Variants in DDX4 observed in about 807,000 individuals in gnomAD.
DDX4 encodes probable ATP-dependent RNA helicase DDX4.
DDX4 carries 25 observed loss-of-function variants against 100.0 expected under a neutral mutation model. The ratio of observed to expected loss-of-function variants is 0.25; its 90% confidence interval spans 0.18 to 0.35. The LOEUF (loss-of-function observed/expected upper bound fraction) is 0.35, where lower values mean the gene tolerates loss of function less well. DDX4 is among the 10% of genes least tolerant of loss of function. The pLI is 1.00. For missense variants in DDX4, 635 were observed against 882.4 expected (o/e 0.72, Z 3.55); for synonymous variants, 259 against 275.7 (o/e 0.94, Z 0.60).
intron 13 of DDX4, 52 bp downstream of exon 13, chr5:55,785,923 A>C (rs1742218712): frequency 7.7e-7 from 1 of 1,306,142 alleles, no homozygotes; most frequent in African/African-American, 1.5e-5. Flanking sequence ...TTTGCCTTTA[A>C]AATACATTAT....
At chr5:55,756,455 T>C (rs988682147) in intron 3 of DDX4, among the ~76,000 whole-genome samples, 11 of 152,166 alleles carry the variant, frequency 7.2e-5, no homozygotes, top group African/African-American at 2.4e-4. Flanking sequence ...CTGGCAGCCC[T>C]AAGCACCACT....
chr5:55,810,639 T>C (rs1244477972), intron 18 of DDX4, among the ~76,000 whole-genome samples: 1 of 151,976 alleles, frequency 6.6e-6, no homozygotes, highest in African/African-American at 2.4e-5. Context: ...TTGACAACTC[T>C]TACCATACAA....
intron 18 of DDX4, among the ~76,000 whole-genome samples, chr5:55,809,752 C>T (rs1743997971): frequency 6.6e-6 from 1 of 152,114 alleles, no homozygotes; most frequent in African/African-American, 2.4e-5. Flanking sequence ...TACAGAATGC[C>T]ATGTGTAAGT....
chr5:55,786,758 G>A, intron 14 of DDX4, 88 bp downstream of exon 14: 1 of 1,005,062 alleles, frequency 9.9e-7, no homozygotes, highest in Non-Finnish European at 1.5e-6. Context: ...TGAGTAGAAG[G>A]TTTGTAGATG....
intron 3 of DDX4, among the ~76,000 whole-genome samples, chr5:55,754,867 T>C (rs1326776466): frequency 6.6e-6 from 1 of 152,208 alleles, no homozygotes; most frequent in African/African-American, 2.4e-5. Context: ...TATTGGTCTA[T>C]TCAGAGATTC....
intron 7 of DDX4, among the ~76,000 whole-genome samples, chr5:55,776,732 T>C (rs1259281934): frequency 6.6e-6 from 1 of 152,154 alleles, no homozygotes; most frequent in Non-Finnish European, 1.5e-5. Flanking sequence ...AATACTCTCA[T>C]ATTGTTGAGT....
At chr5:55,782,678 GATATA>G (rs374530755) in intron 10 of DDX4, among the ~76,000 whole-genome samples, 232 of 152,166 alleles carry the variant, frequency 1.5e-3, no homozygotes, top group African/African-American at 5.4e-3. Context: ...GTTAAAGACA[GATATA>G]ATATGTACAA....
In DDX4 at chr5:55,738,091, G is replaced by A. The variant is rs1311250416; in HGVS notation, c.-25G>A. The A allele has an allele frequency of 6.6e-6, 1 of 152,324 alleles. No individual in the cohort carries two copies. Among genetic ancestry groups the A allele is most frequent in the Non-Finnish European group, 1.5e-5 (1 of 68,088 alleles). 9.4% of individuals were successfully genotyped at this position (152,324 alleles called of 1,614,324 possible). A position where few individuals can be genotyped will look rare whatever the true frequency, so the allele number is the denominator to read the frequency against. ...CGCCTGCGAGGGCTTGGGAGAGCAA[G>A]CCGCGGAGAGGTGAGTGGGCCGCTT... is the stretch of plus-strand genomic sequence containing the variant. On this transcript the variant is annotated 5_prime_UTR_variant, in exon 1 of 22. Transcript: ENST00000505374.
chr5:55,751,305 C>G (rs1759536350), intron 3 of DDX4, among the ~76,000 whole-genome samples: 1 of 152,168 alleles, frequency 6.6e-6, no homozygotes, highest in Non-Finnish European at 1.5e-5. Flanking sequence ...GCAGTCATAG[C>G]TCACTGCAGC....
intron 2 of DDX4, among the ~76,000 whole-genome samples, chr5:55,742,545 GA>G (rs1307065443): frequency 2.6e-5 from 4 of 152,192 alleles, no homozygotes; most frequent in Admixed American, 6.5e-5. Flanking sequence ...GAATACAGGT[GA>G]AAAAAATGTG....
Position 55,786,510 on chromosome 5 carries a change from A to AT in DDX4, c.865-4dup. ...GAATGTAATCACTGCTTTTTTTTAAATTTTCAGACTTTTGAAGAAGCTAAT... is the reference window on the plus strand; with the variant it reads ...GAATGTAATCACTGCTTTTTTTTAAATTTTTCAGACTTTTGAAGAAGCTAAT... On this transcript the variant is annotated splice_region_variant and splice_polypyrimidine_tract_variant and intron_variant, in intron 13 of 21. Transcript: ENST00000505374. 1 of 1,603,750 alleles carries AT rather than the reference A, an allele frequency of 6.2e-7. No individual in the cohort carries two copies. Among genetic ancestry groups the AT allele is most frequent in the Non-Finnish European group, 8.5e-7 (1 of 1,173,948 alleles).
At chr5:55,788,290 C>T (rs1409932781) in intron 15 of DDX4, among the ~76,000 whole-genome samples, 2 of 152,040 alleles carry the variant, frequency 1.3e-5, no homozygotes, top group African/African-American at 4.8e-5. Flanking sequence ...GCCAGGGTAA[C>T]ATGGCAAGAC....
chr5:55,770,318 T>TA (rs1309704879), intron 7 of DDX4, among the ~76,000 whole-genome samples: 2 of 152,192 alleles, frequency 1.3e-5, no homozygotes, highest in African/African-American at 4.8e-5. Flanking sequence ...TGTCTCTGAA[T>TA]AGAGTCATTG....
intron 13 of DDX4, among the ~76,000 whole-genome samples, 159 bp from the exon 14 acceptor site, chr5:55,786,359 T>C (rs561400742): frequency 6.6e-6 from 1 of 152,320 alleles, no homozygotes; most frequent in East Asian, 1.9e-4. Flanking sequence ...ATATACAGGC[T>C]TTGAATATTT....
chr5:55,776,616 T>C (rs1241909774), intron 7 of DDX4, among the ~76,000 whole-genome samples: 1 of 152,166 alleles, frequency 6.6e-6, no homozygotes, highest in East Asian at 1.9e-4. Flanking sequence ...TGTAATAGCA[T>C]AGTATATTCA....
intron 3 of DDX4, among the ~76,000 whole-genome samples, chr5:55,759,627 A>G (rs1211563716): frequency 6.6e-6 from 1 of 152,168 alleles, no homozygotes; most frequent in Non-Finnish European, 1.5e-5. Flanking sequence ...TATTGTATGG[A>G]TGACCATAAT....
chr5:55,749,425 C>T (rs1294955325), intron 3 of DDX4, among the ~76,000 whole-genome samples: 1 of 152,118 alleles, frequency 6.6e-6, no homozygotes. Flanking sequence ...GAGTGAAACC[C>T]TGTCTCTTAA....
chr5:55,793,307 C>T (rs1308339864), intron 17 of DDX4, among the ~76,000 whole-genome samples: 2 of 152,096 alleles, frequency 1.3e-5, no homozygotes, highest in East Asian at 1.9e-4. Context: ...ACTCTTTTTC[C>T]TGCCAGCCCC....
At chr5:55,783,584 A>T (rs548314293) in intron 10 of DDX4, among the ~76,000 whole-genome samples, 29 of 152,230 alleles carry the variant, frequency 1.9e-4, no homozygotes, top group African/African-American at 7.0e-4. Context: ...TGGCTAGTGT[A>T]TATTAGTTAG....
Sources: gnomAD v4.1 joint callset for allele counts (sites outside exome capture counted in the v4.1 genomes callset) on GRCh38, gnomAD v4.1.1 for gene constraint, MANE v1.5 for transcripts, NCBI Gene and HGNC (gene_info 2026-07-23, HGNC 2026-07-21) for gene names.